LRMDA: variants seen among roughly 807,000 people sequenced by gnomAD.
The protein encoded by LRMDA is leucine-rich melanocyte differentiation-associated protein.
In LRMDA, 18 loss-of-function variants were observed where a neutral mutation model predicts 29.8. The observed-to-expected ratio is 0.60, with a 90% CI of 0.42 to 0.90. The LOEUF is 0.90. LRMDA is among the 40% of genes least tolerant of loss of function. The pLI, the probability that LRMDA is intolerant of heterozygous loss-of-function variation, is 0.00. For synonymous variants in LRMDA, 125 were observed against 109.4 expected, an observed-to-expected ratio of 1.14 and a Z score of -0.89; for missense variants, 273 against 273.9, an observed-to-expected ratio of 1.00 and a Z score of 0.02.
chr10:75,881,687 C>T (rs1024440206), intron 2 of LRMDA, among the ~76,000 whole-genome samples: 23 of 152,316 alleles, frequency 1.5e-4, no homozygotes, highest in Non-Finnish European at 1.8e-4. Flanking sequence ...CACCAAGTGG[C>T]CAATGAGAAA....
chr10:75,871,091 C>T (rs1482948790), intron 2 of LRMDA, among the ~76,000 whole-genome samples: 1 of 152,196 alleles, frequency 6.6e-6, no homozygotes, highest in Admixed American at 6.5e-5. Flanking sequence ...CTTTCTCTTT[C>T]CCAGGCTAGC....
intron 2 of LRMDA, among the ~76,000 whole-genome samples, chr10:75,513,894 A>G (rs1052935451): frequency 2.0e-5 from 3 of 152,176 alleles, no homozygotes. Context: ...CACAGGCTTC[A>G]GGAATTAGGA....
At chr10:75,504,220 C>G (rs767156309) in intron 2 of LRMDA, among the ~76,000 whole-genome samples, 4 of 152,208 alleles carry the variant, frequency 2.6e-5, no homozygotes, top group East Asian at 1.9e-4. Context: ...TCTCCAACTC[C>G]TGGGCGTAAG....
At chr10:76,114,228 T>C (rs1198895549) in intron 5 of LRMDA, among the ~76,000 whole-genome samples, 1 of 152,212 alleles carries the variant, frequency 6.6e-6, no homozygotes, top group African/African-American at 2.4e-5. Flanking sequence ...AATATGTCAC[T>C]CTTCTCTATG....
At chr10:75,770,709 G>A (rs1382045217) in intron 2 of LRMDA, among the ~76,000 whole-genome samples, 1 of 152,216 alleles carries the variant, frequency 6.6e-6, no homozygotes, top group Non-Finnish European at 1.5e-5. Context: ...ATGGAAGAGA[G>A]ATGGGTGGGT....
At chr10:75,705,158 T>G (rs549220955) in intron 2 of LRMDA, among the ~76,000 whole-genome samples, 4 of 152,234 alleles carry the variant, frequency 2.6e-5, no homozygotes, top group Non-Finnish European at 5.9e-5. Context: ...TCTCTTTTCC[T>G]TGCTTTCATA....
intron 2 of LRMDA, among the ~76,000 whole-genome samples, chr10:75,563,852 G>T (rs1377026363): frequency 2.0e-5 from 3 of 152,064 alleles, no homozygotes. Flanking sequence ...GCGGATTTTC[G>T]TGAACTGCGA....
intron 5 of LRMDA, among the ~76,000 whole-genome samples, chr10:76,062,165 C>T (rs1013601518): frequency 2.0e-5 from 3 of 152,160 alleles, no homozygotes; most frequent in African/African-American, 4.8e-5. Context: ...CTATTTTTCA[C>T]GATGGAATCG....
intron 2 of LRMDA, among the ~76,000 whole-genome samples, chr10:75,554,135 T>G (rs1366859671): frequency 1.3e-5 from 2 of 152,146 alleles, no homozygotes; most frequent in African/African-American, 4.8e-5. Context: ...AGCTCTCTGA[T>G]GGGTTGGAGA....
chr10:75,872,556 A>G (rs946609909), intron 2 of LRMDA, among the ~76,000 whole-genome samples: 1 of 152,032 alleles, frequency 6.6e-6, no homozygotes, highest in African/African-American at 2.4e-5. Context: ...CGCCTGCCTC[A>G]ACCTCCCAAA....
chr10:75,863,946 G>A (rs919093801), intron 2 of LRMDA, among the ~76,000 whole-genome samples: 2 of 152,084 alleles, frequency 1.3e-5, no homozygotes, highest in Non-Finnish European at 2.9e-5. Flanking sequence ...TAGCTTCTAA[G>A]GATTTGAAGC....
intron 5 of LRMDA, among the ~76,000 whole-genome samples, chr10:76,121,169 T>G (rs953135721): frequency 1.3e-5 from 2 of 151,858 alleles, no homozygotes; most frequent in Non-Finnish European, 2.9e-5. Context: ...ATCTAGTATC[T>G]TCAAGAAGGA....
At chr10:76,279,535 G>A (rs980975541) in intron 5 of LRMDA, among the ~76,000 whole-genome samples, 2 of 142,502 alleles carry the variant, frequency 1.4e-5, no homozygotes, top group African/African-American at 2.7e-5. Context: ...AATAACAAAT[G>A]CTTCTTTTTT....
At chr10:76,208,232 G>GT (rs928408980) in intron 5 of LRMDA, among the ~76,000 whole-genome samples, 5 of 152,068 alleles carry the variant, frequency 3.3e-5, no homozygotes, top group Non-Finnish European at 5.9e-5. Context: ...ATGTTACCGA[G>GT]TTTTTTTAAA....
chr10:75,678,967 A>C (rs1841993131), intron 2 of LRMDA, among the ~76,000 whole-genome samples: 1 of 152,202 alleles, frequency 6.6e-6, no homozygotes, highest in Non-Finnish European at 1.5e-5. Context: ...TTCAGCAACG[A>C]AAGAGTCCCT....
chr10:76,019,944 C>T (rs1004895565), intron 2 of LRMDA, among the ~76,000 whole-genome samples: 3 of 152,184 alleles, frequency 2.0e-5, no homozygotes, highest in Non-Finnish European at 4.4e-5. Flanking sequence ...GATTCTGGTG[C>T]AGGTGGTCCA....
chr10:75,508,448 C>A (rs955552032), intron 2 of LRMDA, among the ~76,000 whole-genome samples: 1 of 152,146 alleles, frequency 6.6e-6, no homozygotes, highest in African/African-American at 2.4e-5. Context: ...TCTTAGTCAG[C>A]TCTAACTAAT....
rs1211776938 is a variant in LRMDA, at chr10:75,891,779, A to G, written c.132-144229A>G. Among the ~76,000 whole-genome samples the G allele has an allele frequency of 2.6e-5, 4 of 152,190 alleles. 1 individual carries two copies. On this transcript the variant is annotated intron_variant, in intron 2 of 6. Coordinates refer to ENST00000611255, the MANE Select transcript of LRMDA (RefSeq NM_001305581.2). ...AAAGGATTGGCTGACTGGAAATACCATGTAAGAGACAGAGATGAACAACAG... is the reference window on the plus strand; with the variant it reads ...AAAGGATTGGCTGACTGGAAATACCGTGTAAGAGACAGAGATGAACAACAG...
intron 6 of LRMDA, chr10:76,396,715 C>A (rs1841788317): frequency 6.6e-6 from 1 of 152,116 alleles, no homozygotes; most frequent in South Asian, 2.1e-4. Context: ...TTGTTTGGCC[C>A]AGGGCAGACA....
Sources: gnomAD v4.1 joint callset for allele counts (sites outside exome capture counted in the v4.1 genomes callset) on GRCh38, gnomAD v4.1.1 for gene constraint, MANE v1.5 for transcripts, NCBI Gene and HGNC (gene_info 2026-07-23, HGNC 2026-07-21) for gene names.